ADGRV1: variants seen among roughly 807,000 people sequenced by gnomAD.
ADGRV1 encodes adhesion G protein-coupled receptor V1, also known as G-protein coupled receptor 98.
In ADGRV1, 359 loss-of-function variants were observed where a neutral mutation model predicts 596.2. The ratio of observed to expected loss-of-function variants is 0.60; its 90% CI spans 0.55 to 0.66. ADGRV1 has a LOEUF of 0.66. ADGRV1 is among the 30% of genes least tolerant of loss of function. The probability of loss-of-function intolerance (pLI) is 0.00; values close to 1 mark genes in which losing one functional copy is unlikely to be tolerated. For missense variants in ADGRV1, 7,274 were observed against 7,575.6 expected (o/e 0.96, Z 1.48); for synonymous variants, 2,681 against 2,679.2 (o/e 1.00, Z -0.02).
intron 59 of ADGRV1, among the ~76,000 whole-genome samples, chr5:90,768,073 A>T (rs1235103904): frequency 1.3e-5 from 2 of 152,196 alleles, no homozygotes; most frequent in Admixed American, 6.5e-5. Flanking sequence ...CAGTTACCAG[A>T]TTCTTACTGC....
Position 90,658,252 on chromosome 5 carries a change from G to A in ADGRV1, c.4726G>A (p.Gly1576Ser). The A allele has an allele frequency of 6.5e-7, 1 of 1,528,860 alleles. No homozygotes were observed. The highest frequency in any genetic ancestry group is 1.4e-5 in the South Asian group (1 of 73,520). 94.7% of individuals were successfully genotyped at this position (1,528,860 alleles called of 1,614,324 possible). ...QKSDNANGLF[G>S]FTGACIPEIA... is the part of the protein sequence containing the mutation. ...AAGTGACAATGCAAATGGCTTGTTT[G>A]GTTTCACAGGAGCTTGTATACCAGA... The change falls in exon 21 of 90, where the codon GGT becomes AGT. Residue 1576 changes from glycine to serine, a missense_variant. This residue lies in a region of ADGRV1 where 3,643 missense variants were observed against 3,809.2 expected (regional missense o/e 0.96). Coordinates refer to ENST00000405460, the MANE Select transcript of ADGRV1 (RefSeq NM_032119.4).
intron 60 of ADGRV1, 100 bp downstream of exon 60, chr5:90,774,403 A>G (rs1439481903): frequency 7.5e-6 from 5 of 670,376 alleles, no homozygotes; most frequent in Non-Finnish European, 1.3e-5. Flanking sequence ...GTTAGGTTTC[A>G]TAATTCCTAA....
chr5:90,805,515 C>A (rs1761821740), intron 72 of ADGRV1, 57 bp downstream of exon 72: 4 of 1,365,494 alleles, frequency 2.9e-6, no homozygotes, highest in Non-Finnish European at 4.0e-6. Context: ...ATATCACTGG[C>A]CACTAATTGT....
rs1403921758 is a variant in ADGRV1 at position 90,716,464 on chromosome 5, C to A, written c.9185-3C>A. 2.0e-6 allele frequency: 3 copies of A among 1,522,408 alleles called. No homozygotes were observed. Among genetic ancestry groups the A allele is most frequent in the Non-Finnish European group, 2.6e-6 (3 of 1,132,316 alleles). The allele number at this position is 1,522,408 out of a possible 1,614,324, so 94.3% of individuals were successfully genotyped here. ...TGTTGCTTTAATATTTTTATTTTGG[C>A]AGCCTTAATTATTGTCCTTGCTAAT... On this transcript the variant is annotated splice_polypyrimidine_tract_variant and splice_region_variant and intron_variant, in intron 42 of 89. Coordinates refer to ENST00000405460, the MANE Select transcript of ADGRV1 (RefSeq NM_032119.4).
chr5:90,954,985 G>A (rs1038763333), intron 83 of ADGRV1, among the ~76,000 whole-genome samples: 4 of 152,088 alleles, frequency 2.6e-5, no homozygotes, highest in African/African-American at 9.7e-5. Context: ...AGGTAATTAG[G>A]TAATGACAGT....
intron 83 of ADGRV1, among the ~76,000 whole-genome samples, chr5:90,924,786 A>G (rs1432984273): frequency 6.6e-6 from 1 of 151,956 alleles, no homozygotes; most frequent in East Asian, 1.9e-4. Context: ...TAAGTCTTTA[A>G]TCCGTCTTGA....
intron 70 of ADGRV1, among the ~76,000 whole-genome samples, chr5:90,797,069 G>GT (rs1214823394): frequency 6.6e-6 from 1 of 151,082 alleles, no homozygotes; most frequent in Non-Finnish European, 1.5e-5. Context: ...CCAACTAATG[G>GT]GCAAAATAAC....
In ADGRV1 at chr5:90,788,325, A is replaced by AT. The variant is rs1184270003; in HGVS notation, c.13893+20dup. ...TTACATTAACCGTATGTATGGCTTT[A>AT]TTTTTCTCACAAAATGTGGATTTCA... On this transcript the variant is annotated intron_variant, in intron 68 of 89. Transcript: ENST00000405460. 4 of 1,577,052 alleles carry AT rather than the reference A, an allele frequency of 2.5e-6. No individual in the cohort carries two copies. The highest frequency in any genetic ancestry group is 2.6e-6 in the Non-Finnish European group (3 of 1,159,006).
At chr5:91,126,950 C>T (rs1200943518) in intron 87 of ADGRV1, among the ~76,000 whole-genome samples, 1 of 152,166 alleles carries the variant, frequency 6.6e-6, no homozygotes, top group Non-Finnish European at 1.5e-5. Flanking sequence ...AGACAGGCAT[C>T]CAGCCTTGCA....
chr5:90,602,409 G>A (rs978546187), intron 1 of ADGRV1, among the ~76,000 whole-genome samples: 2 of 152,134 alleles, frequency 1.3e-5, no homozygotes, highest in African/African-American at 4.8e-5. Context: ...CCTCGGCCAG[G>A]TAACCAAGCT....
At chr5:90,971,335 A>G (rs990971540) in intron 84 of ADGRV1, among the ~76,000 whole-genome samples, 4 of 152,226 alleles carry the variant, frequency 2.6e-5, no homozygotes, top group African/African-American at 9.6e-5. Flanking sequence ...ATTCAAATTC[A>G]GGAAATACAG....
chr5:90,599,225 G>A (rs1362442011), intron 1 of ADGRV1, among the ~76,000 whole-genome samples: 5 of 152,206 alleles, frequency 3.3e-5, no homozygotes, highest in African/African-American at 1.2e-4. Flanking sequence ...TCACTTCTCT[G>A]CAAAGATGAA....
Position 90,622,624 on chromosome 5 carries a change from A to G in ADGRV1, c.481A>G (p.Lys161Glu). ...MLPSIAVSEP[K>E]GRNESMPLTL... is the part of the protein sequence containing the mutation. ...TCCCTCAATCGCAGTGAGTGAGCCC[A>G]AGGGCAGAAATGAGTCTATGCCTCT... Residue 161 changes from lysine to glutamate, a missense_variant, in exon 5 of 90, where the codon AAG (lysine) becomes GAG (glutamate). This residue lies in a region of ADGRV1 where 1,715 missense variants were observed against 1,708.8 expected (regional missense o/e 1.00). Coordinates refer to ENST00000405460, the MANE Select transcript of ADGRV1 (RefSeq NM_032119.4). The G allele has an allele frequency of 1.3e-6, 2 of 1,490,164 alleles. No homozygotes were observed. The highest frequency in any genetic ancestry group is 1.8e-6 in the Non-Finnish European group (2 of 1,118,220). 92.3% of individuals were successfully genotyped at this position (1,490,164 alleles called of 1,614,324 possible). A position where few individuals can be genotyped will look rare whatever the true frequency, so the allele number is the denominator to read the frequency against.
chr5:90,585,817 A>G (rs1451485784), intron 1 of ADGRV1, among the ~76,000 whole-genome samples: 1 of 152,250 alleles, frequency 6.6e-6, no homozygotes, highest in East Asian at 1.9e-4. Flanking sequence ...AGCCAAGGAC[A>G]TAGAGAACGA....
chr5:91,120,798 A>G (rs1199950800), intron 87 of ADGRV1, among the ~76,000 whole-genome samples: 2 of 152,090 alleles, frequency 1.3e-5, no homozygotes, highest in Admixed American at 1.3e-4. Context: ...TCAGGCCAGA[A>G]CCTCTTTAGC....
rs933584719 is a variant in ADGRV1, at chr5:90,704,505, T to C, written c.8386+17T>C. The C allele has an allele frequency of 2.8e-6, 4 of 1,444,236 alleles. No individual in the cohort carries two copies. Among genetic ancestry groups the C allele is most frequent in the Non-Finnish European group, 3.8e-6 (4 of 1,057,040 alleles). The allele number at this position is 1,444,236 out of a possible 1,614,324, so 89.5% of individuals were successfully genotyped here. ...GGACACAAGGTAATTCAGAATTTAA[T>C]TTTAATTTTTTTTGGTATATTCTTT... On this transcript the variant is annotated intron_variant, in intron 36 of 89. Coordinates refer to ENST00000405460, the MANE Select transcript of ADGRV1 (RefSeq NM_032119.4).
intron 17 of ADGRV1, among the ~76,000 whole-genome samples, chr5:90,650,160 A>G (rs1391821457): frequency 6.6e-6 from 1 of 152,188 alleles, no homozygotes; most frequent in Non-Finnish European, 1.5e-5. Flanking sequence ...GACATGACCT[A>G]GTGCTGGCAG....
chr5:90,767,194 G>A (rs1393111087), intron 59 of ADGRV1, among the ~76,000 whole-genome samples: 2 of 152,114 alleles, frequency 1.3e-5, no homozygotes, highest in Non-Finnish European at 2.9e-5. Flanking sequence ...AGTAAATAAG[G>A]CAGTGTGATA....
chr5:90,761,300 G>GA (rs903442279), intron 58 of ADGRV1, among the ~76,000 whole-genome samples: 31 of 152,000 alleles, frequency 2.0e-4, no homozygotes, highest in Admixed American at 1.4e-3. Context: ...CTCGTCCTTG[G>GA]AAAAAAAATG....
Sources: allele counts gnomAD v4.1 joint callset (sites outside exome capture counted in the v4.1 genomes callset), GRCh38; gene constraint gnomAD v4.1.1; regional missense constraint gnomAD v4.1.1; transcripts MANE v1.5; gene names NCBI Gene and HGNC (gene_info 2026-07-23, HGNC 2026-07-21).